SCN8A: variants seen among roughly 807,000 people sequenced by gnomAD.
SCN8A encodes sodium voltage-gated channel alpha subunit 8.
Under a neutral mutation model 184.1 loss-of-function variants are expected in SCN8A, and 30 were observed. That is an observed-to-expected ratio of 0.16 (90% CI 0.12 to 0.22). SCN8A has a LOEUF of 0.22. Ranked by LOEUF, SCN8A falls within the 10% of genes least tolerant of loss-of-function variation. SCN8A has a pLI of 1.00. For missense variants in SCN8A, 1,057 were observed against 2,498.9 expected (o/e 0.42, Z 12.30); for synonymous variants, 852 against 907.0 (o/e 0.94, Z 1.09).
chr12:51,654,737 C>G (rs1940787061), intron 1 of SCN8A, among the ~76,000 whole-genome samples: 1 of 152,060 alleles, frequency 6.6e-6, no homozygotes, highest in Non-Finnish European at 1.5e-5. Context: ...GCCTTGAACA[C>G]CTGGCCTCAA....
intron 1 of SCN8A, among the ~76,000 whole-genome samples, chr12:51,658,828 G>A (rs1004461997): frequency 1.3e-5 from 2 of 152,000 alleles, no homozygotes; most frequent in Non-Finnish European, 2.9e-5. Context: ...TAAAAAATAC[G>A]AGATGCTGCT....
intron 20 of SCN8A, among the ~76,000 whole-genome samples, chr12:51,775,828 G>A (rs1385231209): frequency 2.0e-5 from 3 of 152,328 alleles, no homozygotes; most frequent in East Asian, 3.9e-4. Context: ...TGGGGAGGCT[G>A]TGATTTGAAA....
At chr12:51,750,961 C>T (rs1486085403) in intron 13 of SCN8A, among the ~76,000 whole-genome samples, 2 of 152,182 alleles carry the variant, frequency 1.3e-5, no homozygotes, top group African/African-American at 4.8e-5. Context: ...TCATTCAGTC[C>T]TGTAACCTGT....
At chr12:51,716,961 T>C (rs998945670) in intron 11 of SCN8A, among the ~76,000 whole-genome samples, 3 of 152,174 alleles carry the variant, frequency 2.0e-5, no homozygotes, top group African/African-American at 7.2e-5. Flanking sequence ...AGTTACCACC[T>C]CTGTAGGCCA....
At position 51,788,287 on chromosome 12, in the gene SCN8A, C is replaced by CTTTTTTTTTTTTTTTTTTTTTTTTTTTTT. The variant is rs66672221; in HGVS notation, c.4228-387_4228-386insTTTTTTTTTTTTTTTTTTTTTTTTTTTTT. Among the ~76,000 whole-genome samples, 2 of 84,006 alleles carry CTTTTTTTTTTTTTTTTTTTTTTTTTTTTT rather than the reference C, an allele frequency of 2.4e-5. 1 individual carries two copies. Among genetic ancestry groups the CTTTTTTTTTTTTTTTTTTTTTTTTTTTTT allele is most frequent in the African/African-American group, 1.0e-4 (2 of 20,076 alleles). 55.1% of individuals were successfully genotyped at this position (84,006 alleles called of 152,430 possible). A position where few individuals can be genotyped will look rare whatever the true frequency, so the allele number is the denominator to read the frequency against. ...TTTTCCAACCCCCATCGCTTAACAC[C>CTTTTTTTTTTTTTTTTTTTTTTTTTTTTT]TTTTTTTTTTTTTTTTTTTTTGCTT... On this transcript the variant is annotated intron_variant, in intron 22 of 26. Coordinates refer to ENST00000627620, the MANE Select transcript of SCN8A (RefSeq NM_001330260.2).
intron 1 of SCN8A, among the ~76,000 whole-genome samples, chr12:51,646,598 T>A (rs72644893): frequency 0.078 from 11,947 of 152,266 alleles, 811 homozygotes; most frequent in African/African-American, 0.18. Context: ...CTTTTCAGTT[T>A]TAGAACAATG....
chr12:51,790,320 A>G, intron 24 of SCN8A, 78 bp from the exon 25 acceptor site: 3 of 949,882 alleles, frequency 3.2e-6, no homozygotes, highest in Non-Finnish European at 4.8e-6. Flanking sequence ...CTCAGTTCTC[A>G]GTATTGAACC....
intron 1 of SCN8A, among the ~76,000 whole-genome samples, chr12:51,592,402 C>T (rs1369591627): frequency 2.0e-5 from 3 of 151,994 alleles, no homozygotes. Context: ...TTTTTCAGCC[C>T]GATAAATAGG....
intron 12 of SCN8A, among the ~76,000 whole-genome samples, chr12:51,737,079 C>CA (rs1942337901): frequency 6.6e-6 from 1 of 152,218 alleles, no homozygotes; most frequent in African/African-American, 2.4e-5. Flanking sequence ...CTCACAAAGT[C>CA]AGCTAAACGG....
chr12:51,592,924 A>AG (rs35087461), intron 1 of SCN8A, among the ~76,000 whole-genome samples: 1 of 151,686 alleles, frequency 6.6e-6, no homozygotes, highest in South Asian at 2.1e-4. Flanking sequence ...GAAGATGTGG[A>AG]GGGGGGGATG....
intron 11 of SCN8A, chr12:51,712,520 T>C (rs935355156): frequency 3.7e-5 from 29 of 773,878 alleles, no homozygotes; most frequent in Non-Finnish European, 6.6e-5. Flanking sequence ...ACCACCACCA[T>C]AGGGACTGCC....
chr12:51,708,120 TCTC>T (rs891418678), intron 11 of SCN8A, among the ~76,000 whole-genome samples: 1 of 152,214 alleles, frequency 6.6e-6, no homozygotes, highest in Non-Finnish European at 1.5e-5. Flanking sequence ...GGAGAGCTTT[TCTC>T]CTCTAAGCAT....
chr12:51,770,692 C>T lies in SCN8A; in HGVS notation c.3645+9C>T, dbSNP rs774110381. On this transcript the variant is annotated intron_variant, in intron 19 of 26. Transcript: ENST00000627620. ...TGAGCAGTGGCGCCCTGGTGAGGTC[C>T]AGGGGAGAGTGTGAGGAGGGATTGG... The T allele has an allele frequency of 6.2e-7, 1 of 1,612,856 alleles. No homozygotes were observed. The highest frequency in any genetic ancestry group is 8.5e-7 in the Non-Finnish European group (1 of 1,179,298).
chr12:51,684,411 C>A, intron 3 of SCN8A, 119 bp downstream of exon 3: 1 of 693,548 alleles, frequency 1.4e-6, no homozygotes, highest in Non-Finnish European at 2.6e-6. Flanking sequence ...AGTTAACTAG[C>A]CCATCAGTCA....
intron 9 of SCN8A, among the ~76,000 whole-genome samples, 196 bp from the exon 10 acceptor site, chr12:51,705,221 A>T (rs1041568323): frequency 2.6e-5 from 4 of 152,182 alleles, no homozygotes; most frequent in African/African-American, 9.7e-5. Flanking sequence ...ACTGCCATTT[A>T]ATATGAGTTG....
chr12:51,760,946 T>G lies in SCN8A; in HGVS notation c.2371-1557T>G, dbSNP rs111465920. Among the ~76,000 whole-genome samples the G allele has an allele frequency of 1.2e-3, 177 of 152,322 alleles. No homozygotes were observed. The Middle Eastern group carries it at 0.014, about 12-fold the overall frequency. ...ATATTTCCAAACAGCATCTATAATC[T>G]AAGTATTTTTTACTATTTTTAATTT... is the stretch of plus-strand genomic sequence containing the variant. On this transcript the variant is annotated intron_variant, in intron 14 of 26. Coordinates refer to ENST00000627620, the MANE Select transcript of SCN8A (RefSeq NM_001330260.2).
In SCN8A at chr12:51,786,705, A is replaced by T; in HGVS notation, c.4106A>T (p.Asp1369Val). Residue 1369 changes from aspartate to valine, a missense_variant, in exon 22 of 27, where the codon GAT becomes GTT. This residue lies in a region of SCN8A where 13 missense variants were observed against 20.0 expected (regional missense o/e 0.65). Coordinates refer to ENST00000627620, the MANE Select transcript of SCN8A (RefSeq NM_001330260.2). ...ETSEIRFEIE[D>V]VNNKTECEKL... The stretch of plus-strand genomic sequence containing the variant: ...TCTGAAATCCGATTTGAAATTGAAG[A>T]TGTCAACAATAAAACTGAATGTGAA... 1 of 1,614,060 alleles carries T rather than the reference A, an allele frequency of 6.2e-7. No homozygotes were observed. Among genetic ancestry groups the T allele is most frequent in the Non-Finnish European group, 8.5e-7 (1 of 1,179,906 alleles).
intron 12 of SCN8A, among the ~76,000 whole-genome samples, chr12:51,739,906 C>T (rs1481492219): frequency 7.9e-5 from 12 of 152,170 alleles, no homozygotes; most frequent in Non-Finnish European, 1.6e-4. Flanking sequence ...GATTTACCCG[C>T]GTATTTATTA....
At chr12:51,754,974 T>G (rs1942652098) in intron 14 of SCN8A, among the ~76,000 whole-genome samples, 1 of 152,218 alleles carries the variant, frequency 6.6e-6, no homozygotes, top group South Asian at 2.1e-4. Context: ...CTTTTTCCAT[T>G]TACAGTAAGT....
Sources: allele counts gnomAD v4.1 joint callset (sites outside exome capture counted in the v4.1 genomes callset), GRCh38; gene constraint gnomAD v4.1.1; regional missense constraint gnomAD v4.1.1; transcripts MANE v1.5; gene names NCBI Gene and HGNC (gene_info 2026-07-23, HGNC 2026-07-21).